RASSF8: variants seen among roughly 807,000 people sequenced by gnomAD.
The protein encoded by RASSF8 is Ras association domain family member 8, also known as ras association domain-containing protein 8.
RASSF8 carries 22 observed loss-of-function variants against 48.5 expected under a neutral mutation model. The observed-to-expected ratio is 0.45, with a 90% CI of 0.32 to 0.65. The LOEUF (loss-of-function observed/expected upper bound fraction) is 0.65, where lower values mean the gene tolerates loss of function less well. RASSF8 is among the 30% of genes least tolerant of loss of function. The probability of loss-of-function intolerance (pLI) is 0.03; values close to 1 mark genes in which losing one functional copy is unlikely to be tolerated. For synonymous variants in RASSF8, 127 were observed against 171.5 expected (o/e 0.74, Z 2.03); for missense variants, 418 against 489.2 (o/e 0.85, Z 1.37).
At chr12:26,079,007 T>A (rs1944094955) in intron 5 of RASSF8, 1 of 1,534,356 alleles carries the variant, frequency 6.5e-7, no homozygotes, top group Non-Finnish European at 8.8e-7. Context: ...TTTTTTGTTG[T>A]TGTGTGTTTC....
Position 26,070,518 on chromosome 12 carries a change from T to A in RASSF8, c.*1700T>A. On this transcript the variant is annotated 3_prime_UTR_variant, in exon 6 of 6. Transcript: ENST00000689635. ...TCTTGCCATTATGTTACTTTGCAAA[T>A]AACTGAAGTAAATGATTCTTACCTA... 1 of 983,666 alleles carries A rather than the reference T, an allele frequency of 1.0e-6. No homozygotes were observed. The highest frequency in any genetic ancestry group is 4.7e-5 in the South Asian group (1 of 21,268). The allele number at this position is 983,666 out of a possible 1,614,324, so 60.9% of individuals were successfully genotyped here. A position where few individuals can be genotyped will look rare whatever the true frequency, so the allele number is the denominator to read the frequency against.
chr12:26,065,477 T>C (rs1400082426), intron 4 of RASSF8, 90 bp downstream of exon 4: 12 of 1,455,094 alleles, frequency 8.2e-6, no homozygotes, highest in Admixed American at 4.7e-5. Context: ...TTTTTCCTTA[T>C]ATTCAAAGAA....
At chr12:26,066,808 A>G (rs183139066) in intron 4 of RASSF8, among the ~76,000 whole-genome samples, 26 of 152,310 alleles carry the variant, frequency 1.7e-4, no homozygotes, top group African/African-American at 6.0e-4. Context: ...GGGTAGAGCC[A>G]GGGTACTTTT....
intron 2 of RASSF8, chr12:26,011,907 T>C (rs894830625): frequency 2.6e-5 from 4 of 152,232 alleles, no homozygotes; most frequent in African/African-American, 9.6e-5. Context: ...CAGTGACTCA[T>C]GAACTTCAGT....
Position 26,068,748 on chromosome 12 carries a change from T to TC in RASSF8, c.1194dup (p.Ser399GlnfsTer2). 1 of 1,537,308 alleles carries TC rather than the reference T, an allele frequency of 6.5e-7. No homozygotes were observed. Among genetic ancestry groups the TC allele is most frequent in the Non-Finnish European group, 8.7e-7 (1 of 1,146,898 alleles). ...AAGCGACCTGGTTCATCTCGGCAGC[T>TC]CCCCAGTAATCTCCGCATTCTGCAG... On this transcript the variant is annotated frameshift_variant, in exon 6 of 6. Coordinates refer to ENST00000689635, the MANE Select transcript of RASSF8 (RefSeq NM_001394098.1). LOFTEE classifies it high-confidence loss of function.
rs74071341 is a variant in RASSF8 at position 25,983,093 on chromosome 12, T to G, written c.-202-11944T>G. 7.5e-3 allele frequency among the ~76,000 whole-genome samples: 1,145 copies of G among 152,272 alleles called. 19 individuals are homozygous for G. Among genetic ancestry groups the G allele is most frequent in the African/African-American group, 0.027 (1,107 of 41,560 alleles). On this transcript the variant is annotated intron_variant, in intron 1 of 5. Transcript: ENST00000689635. ...ATCACAAAACAAAGTAAACAAGGCA[T>G]CATCGATAGAACCAGCCAAAATAGT...
intron 1 of RASSF8, among the ~76,000 whole-genome samples, chr12:25,975,729 G>GA (rs1941589237): frequency 6.6e-6 from 1 of 152,198 alleles, no homozygotes; most frequent in African/African-American, 2.4e-5. Context: ...GGAAAGAGGA[G>GA]AAACAGAGGA....
chr12:26,040,936 G>A (rs1368377229), intron 2 of RASSF8, among the ~76,000 whole-genome samples: 1 of 149,200 alleles, frequency 6.7e-6, no homozygotes, highest in Non-Finnish European at 1.5e-5. Context: ...CTCCCAGGCT[G>A]GAGAGCAGTG....
At chr12:26,017,517 C>G (rs1216570571) in intron 2 of RASSF8, among the ~76,000 whole-genome samples, 1 of 152,230 alleles carries the variant, frequency 6.6e-6, no homozygotes, top group Non-Finnish European at 1.5e-5. Context: ...TGGAGAGGGC[C>G]TGGCTCAGGC....
chr12:25,961,531 T>C (rs1004932314), intron 1 of RASSF8, among the ~76,000 whole-genome samples: 2 of 152,174 alleles, frequency 1.3e-5, no homozygotes, highest in African/African-American at 4.8e-5. Flanking sequence ...GAAAGAATGT[T>C]TACCCCACTG....
chr12:25,982,718 A>T (rs963001341), intron 1 of RASSF8, among the ~76,000 whole-genome samples: 1 of 152,158 alleles, frequency 6.6e-6, no homozygotes, highest in African/African-American at 2.4e-5. Flanking sequence ...TGGGGAAAAA[A>T]GTTTAGTAGA....
intron 1 of RASSF8, among the ~76,000 whole-genome samples, chr12:25,976,920 T>G (rs959799477): frequency 6.6e-6 from 1 of 152,160 alleles, no homozygotes; most frequent in Non-Finnish European, 1.5e-5. Context: ...AGTTGTGAAT[T>G]TAGCCTATAA....
intron 2 of RASSF8, among the ~76,000 whole-genome samples, chr12:26,050,018 C>A (rs1006945905): frequency 2.0e-5 from 3 of 152,056 alleles, no homozygotes; most frequent in Admixed American, 6.5e-5. Flanking sequence ...CTCCAGACCT[C>A]GTGATCTGCC....
At chr12:25,973,556 G>C (rs1172468062) in intron 1 of RASSF8, among the ~76,000 whole-genome samples, 2 of 152,160 alleles carry the variant, frequency 1.3e-5, no homozygotes, top group Non-Finnish European at 2.9e-5. Context: ...CAGACAGTGA[G>C]GTCCTTCATT....
At chr12:25,971,744 C>T (rs993925154) in intron 1 of RASSF8, among the ~76,000 whole-genome samples, 4 of 152,150 alleles carry the variant, frequency 2.6e-5, no homozygotes, top group Non-Finnish European at 5.9e-5. Context: ...TTGTAAAACA[C>T]TTAAAAATGT....
chr12:25,996,110 T>A (rs780820884), intron 2 of RASSF8, among the ~76,000 whole-genome samples: 15 of 152,306 alleles, frequency 9.8e-5, no homozygotes, highest in Non-Finnish European at 1.6e-4. Flanking sequence ...GTATGTTGCT[T>A]ACAGCATTAG....
At chr12:26,027,239 G>A (rs1269571979) in intron 2 of RASSF8, among the ~76,000 whole-genome samples, 1 of 152,158 alleles carries the variant, frequency 6.6e-6, no homozygotes, top group Non-Finnish European at 1.5e-5. Context: ...TATTTTTTGG[G>A]TAATGAGAAT....
intron 2 of RASSF8, among the ~76,000 whole-genome samples, chr12:26,003,067 A>G (rs1035801549): frequency 1.3e-5 from 2 of 152,188 alleles, no homozygotes; most frequent in Admixed American, 6.5e-5. Flanking sequence ...ACATTCAGCT[A>G]ATTAATTTCC....
intron 1 of RASSF8, among the ~76,000 whole-genome samples, chr12:25,965,061 G>A (rs1236930512): frequency 6.6e-6 from 1 of 151,790 alleles, no homozygotes; most frequent in East Asian, 1.9e-4. Context: ...TCCCGCCTCA[G>A]CCTCCTGAGT....
Sources: gnomAD v4.1 joint callset for allele counts (sites outside exome capture counted in the v4.1 genomes callset) on GRCh38, gnomAD v4.1.1 for gene constraint, MANE v1.5 for transcripts, NCBI Gene and HGNC (gene_info 2026-07-23, HGNC 2026-07-21) for gene names.